The following NEK4 variants were observed in gnomAD, a reference collection of about 807,000 sequenced individuals.
The protein encoded by NEK4 is serine/threonine-protein kinase Nek4.
In NEK4, 86 loss-of-function variants were observed where a neutral mutation model predicts 98.4. The observed-to-expected ratio is 0.87, with a 90% CI of 0.73 to 1.05. The LOEUF (loss-of-function observed/expected upper bound fraction) is 1.05. NEK4 is among the 50% of genes least tolerant of loss of function. The pLI, the probability that NEK4 is intolerant of heterozygous loss-of-function variation, is 0.00. For synonymous variants in NEK4, 328 were observed against 342.2 expected (o/e 0.96, Z 0.46); for missense variants, 898 against 950.3 (o/e 0.94, Z 0.72).
chr3:52,743,606 C>T (rs1033754492), intron 11 of NEK4, 145 bp from the exon 12 acceptor site: 1 of 633,194 alleles, frequency 1.6e-6, no homozygotes, highest in Non-Finnish European at 2.8e-6. Context: ...TGGTGTCTGA[C>T]ACCTCAGTTG....
At chr3:52,754,937 G>A (rs955094601) in intron 6 of NEK4, among the ~76,000 whole-genome samples, 14 of 151,764 alleles carry the variant, frequency 9.2e-5, no homozygotes, top group South Asian at 2.1e-4. Flanking sequence ...AGCCGGGCGC[G>A]GTGGCAGGCG....
chr3:52,712,948 T>C (rs1053965296), intron 15 of NEK4, among the ~76,000 whole-genome samples: 1 of 151,936 alleles, frequency 6.6e-6, no homozygotes, highest in Non-Finnish European at 1.5e-5. Context: ...GCCAGGGTGG[T>C]CTTGGGAAAT....
chr3:52,714,024 C>G (rs1473456023), intron 15 of NEK4, among the ~76,000 whole-genome samples: 2 of 152,124 alleles, frequency 1.3e-5, no homozygotes, highest in African/African-American at 2.4e-5. Context: ...CCCTTGAGCT[C>G]AGGAGTTCAA....
At chr3:52,722,336 C>T (rs916930869) in intron 15 of NEK4, among the ~76,000 whole-genome samples, 2 of 152,084 alleles carry the variant, frequency 1.3e-5, no homozygotes, top group African/African-American at 2.4e-5. Context: ...CAAGCTATAA[C>T]ACAAGTGAGC....
chr3:52,736,205 T>A (rs2097375597), intron 15 of NEK4, among the ~76,000 whole-genome samples: 1 of 152,218 alleles, frequency 6.6e-6, no homozygotes, highest in South Asian at 2.1e-4. Context: ...GGTTCTTATG[T>A]ATTTTTGGCG....
chr3:52,729,436 C>T (rs979842115), intron 15 of NEK4, among the ~76,000 whole-genome samples: 7 of 151,952 alleles, frequency 4.6e-5, no homozygotes, highest in Non-Finnish European at 8.8e-5. Context: ...AGGGCGGGCA[C>T]GGTGGCTCAC....
chr3:52,758,394 A>C (rs1326235497), intron 6 of NEK4, among the ~76,000 whole-genome samples: 2 of 152,082 alleles, frequency 1.3e-5, no homozygotes, highest in Admixed American at 1.3e-4. Flanking sequence ...TTAAAATAGT[A>C]AATTTTACAT....
chr3:52,728,466 CCT>C (rs758549684), intron 15 of NEK4, among the ~76,000 whole-genome samples: 9 of 152,316 alleles, frequency 5.9e-5, no homozygotes, highest in Admixed American at 1.3e-4. Context: ...ATTTCTTACC[CCT>C]GTTTTACTTT....
At chr3:52,721,876 C>T (rs1314740677) in intron 15 of NEK4, among the ~76,000 whole-genome samples, 1 of 152,076 alleles carries the variant, frequency 6.6e-6, no homozygotes, top group Non-Finnish European at 1.5e-5. Flanking sequence ...GTGATAGTGA[C>T]AGGAGGTGGC....
chr3:52,749,348 G>C (rs1250469403), intron 8 of NEK4, among the ~76,000 whole-genome samples: 3 of 151,578 alleles, frequency 2.0e-5, no homozygotes, highest in Non-Finnish European at 4.4e-5. Flanking sequence ...GGCCAGGCTG[G>C]TCTTGAACTC....
At chr3:52,755,761 T>C (rs1280450346) in intron 6 of NEK4, among the ~76,000 whole-genome samples, 2 of 152,258 alleles carry the variant, frequency 1.3e-5, no homozygotes, top group East Asian at 3.9e-4. Flanking sequence ...TATCTCCTTT[T>C]GCAGATATGA....
At chr3:52,763,327 GC>G (rs946333077) in intron 5 of NEK4, 142 bp downstream of exon 5, 3 of 747,212 alleles carry the variant, frequency 4.0e-6, no homozygotes, top group Non-Finnish European at 6.4e-6. Context: ...GTAGAATTTT[GC>G]CTCCTCTACA....
At chr3:52,716,698 T>C (rs980984997) in intron 15 of NEK4, among the ~76,000 whole-genome samples, 1 of 152,226 alleles carries the variant, frequency 6.6e-6, no homozygotes, top group East Asian at 1.9e-4. Flanking sequence ...GAAGGAAGTG[T>C]TGCCCAATGC....
rs905103828 is a variant in NEK4, at chr3:52,739,603, C to T, written c.2125G>A (p.Val709Ile). ...TTCAGGGTCTGAGTCATCAATTGTA[C>T]CAAGGCATTAATTTCATTTGTCTGA... Reference protein sequence around the residue: ...KGQTNEINALVQLMTQTLKLD... With the variant: ...KGQTNEINALIQLMTQTLKLD... The change falls in exon 14 of 16, where the codon GTA (valine) becomes ATA (isoleucine). Residue 709 changes from valine to isoleucine, a missense_variant. Coordinates refer to ENST00000233027, the MANE Select transcript of NEK4 (RefSeq NM_003157.6). 9 of 1,613,880 alleles carry T rather than the reference C, an allele frequency of 5.6e-6. No individual in the cohort carries two copies. The African/African-American group carries it at 9.3e-5, about 17-fold the overall frequency.
At chr3:52,770,629 CTTG>C in intron 1 of NEK4, 22 bp downstream of exon 1, 4 of 1,507,482 alleles carry the variant, frequency 2.7e-6, no homozygotes, top group Non-Finnish European at 3.6e-6. Flanking sequence ...GCCCCCGCCC[CTTG>C]CCGGGCCCCA....
chr3:52,723,879 C>G (rs2097362251), intron 15 of NEK4, among the ~76,000 whole-genome samples: 1 of 152,080 alleles, frequency 6.6e-6, no homozygotes, highest in Admixed American at 6.5e-5. Context: ...CCAAGAGGCT[C>G]AACAAACTCC....
At chr3:52,718,851 G>A (rs541489248) in intron 15 of NEK4, among the ~76,000 whole-genome samples, 3 of 152,148 alleles carry the variant, frequency 2.0e-5, no homozygotes, top group Non-Finnish European at 4.4e-5. Flanking sequence ...TCCGCCTCCT[G>A]GGCTCAAGTG....
At chr3:52,741,932 G>A (rs1040767710) in intron 12 of NEK4, among the ~76,000 whole-genome samples, 12 of 151,770 alleles carry the variant, frequency 7.9e-5, no homozygotes, top group African/African-American at 1.5e-4. Flanking sequence ...GGCACGTGCC[G>A]CAACGCCCAG....
At chr3:52,743,282 A>T in intron 12 of NEK4, 70 bp downstream of exon 12, 1 of 1,177,792 alleles carries the variant, frequency 8.5e-7, no homozygotes, top group Non-Finnish European at 1.3e-6. Flanking sequence ...GCTGACATTT[A>T]AAAGGTTTAC....
Sources: allele counts gnomAD v4.1 joint callset (sites outside exome capture counted in the v4.1 genomes callset), GRCh38; gene constraint gnomAD v4.1.1; transcripts MANE v1.5; gene names NCBI Gene and HGNC (gene_info 2026-07-23, HGNC 2026-07-21).